The following TMPRSS3 variants were observed in gnomAD, a reference collection of about 807,000 sequenced individuals.
TMPRSS3 encodes the protein transmembrane protease serine 3.
Under a neutral mutation model 59.6 loss-of-function variants are expected in TMPRSS3, and 55 were observed. The observed-to-expected ratio is 0.92, with a 90% CI of 0.74 to 1.16. The LOEUF is 1.16. Among genes scored for constraint, TMPRSS3 ranks in the 50% most tolerant of loss-of-function variants. The probability of loss-of-function intolerance (pLI) is 0.00; values close to 1 mark genes in which losing one functional copy is unlikely to be tolerated. For missense variants in TMPRSS3, 596 were observed against 579.4 expected (o/e 1.03, Z -0.29); for synonymous variants, 257 against 237.7 (o/e 1.08, Z -0.75).
chr21:42,382,803 C>T, intron 8 of TMPRSS3: 1 of 606,362 alleles, frequency 1.6e-6, no homozygotes, highest in South Asian at 1.9e-5. Context: ...CTTCTGTCTG[C>T]CCTTTCTCTA....
intron 9 of TMPRSS3, among the ~76,000 whole-genome samples, chr21:42,380,884 A>C (rs2052516529): frequency 6.6e-6 from 1 of 152,242 alleles, no homozygotes; most frequent in Non-Finnish European, 1.5e-5. Flanking sequence ...AGAAGGAATA[A>C]AAGAACTCAC....
At chr21:42,382,396 C>A (rs923716059) in intron 8 of TMPRSS3, 162 bp from the exon 9 acceptor site, 2 of 685,792 alleles carry the variant, frequency 2.9e-6, no homozygotes, top group African/African-American at 3.5e-5. Context: ...ACTGCACTGC[C>A]ACGCCCTACA....
chr21:42,383,851 C>T, intron 7 of TMPRSS3, 119 bp downstream of exon 7: 2 of 1,098,350 alleles, frequency 1.8e-6, no homozygotes, highest in Non-Finnish European at 2.8e-6. Context: ...AGAGTTCCCG[C>T]CTGGCACCCA....
chr21:42,382,052 G>C lies in TMPRSS3; in HGVS notation c.952+13C>G. 2 of 1,614,206 alleles carry C rather than the reference G, an allele frequency of 1.2e-6. No homozygotes were observed. The highest frequency in any genetic ancestry group is 2.2e-5 in the South Asian group (2 of 91,078). Reference sequence around the variant, plus strand: ...AGGAAGAGCTGCAGAACCACATAGAGACCCAGATGTACCATTGAACGTGAG... The same window carrying C: ...AGGAAGAGCTGCAGAACCACATAGACACCCAGATGTACCATTGAACGTGAG... On this transcript the variant is annotated intron_variant, in intron 9 of 12. Transcript: ENST00000644384.
Position 42,388,372 on chromosome 21 carries a change from G to T in TMPRSS3, c.446+31C>A, listed in dbSNP as rs200741553. 5.6e-6 allele frequency: 9 copies of T among 1,614,026 alleles called. No individual in the cohort carries two copies. Among genetic ancestry groups the T allele is most frequent in the Non-Finnish European group, 6.8e-6 (8 of 1,180,006 alleles). On this transcript the variant is annotated intron_variant, in intron 5 of 12. Transcript: ENST00000644384. This position sits in a 1 kb window ranked among gnomAD's most constrained non-coding sequence, Gnocchi z 5.1. The stretch of plus-strand genomic sequence containing the variant: ...TTTATTGTTATCCTCTCTGTGTTTT[G>T]CCCATGGGTTGGAAATGCTCTTTAA...
At chr21:42,395,046 G>C (rs78520553) in intron 2 of TMPRSS3, among the ~76,000 whole-genome samples, 3 of 152,126 alleles carry the variant, frequency 2.0e-5, no homozygotes, top group Non-Finnish European at 2.9e-5. Context: ...CCTCCTTCAG[G>C]ATTGACAGGA....
intron 7 of TMPRSS3, 25 bp from the exon 8 acceptor site, chr21:42,383,223 G>A (rs776333784): frequency 1.7e-5 from 27 of 1,613,474 alleles, no homozygotes; most frequent in Non-Finnish European, 2.2e-5. Context: ...AAAGGCTTGT[G>A]GGTCCACCCT....
At chr21:42,378,929 A>C (rs1054390266) in intron 10 of TMPRSS3, among the ~76,000 whole-genome samples, 2 of 151,540 alleles carry the variant, frequency 1.3e-5, no homozygotes, top group Non-Finnish European at 1.5e-5. Context: ...CTGTCACCCA[A>C]GCTGGAGTGG....
intron 9 of TMPRSS3, among the ~76,000 whole-genome samples, chr21:42,380,747 G>T (rs989912194): frequency 6.6e-6 from 1 of 152,262 alleles, no homozygotes; most frequent in Admixed American, 6.5e-5. Flanking sequence ...GAGTTTGCCT[G>T]TGTGTAGGGC....
rs1350404845 is a variant in TMPRSS3 at position 42,377,929 on chromosome 21, A to C, written c.1049-1246T>G. Among the ~76,000 whole-genome samples the C allele has an allele frequency of 2.0e-5, 3 of 152,358 alleles. No individual in the cohort carries two copies. The East Asian group carries it at 5.8e-4, about 29-fold the overall frequency. ...CAGCGAGAAGAAAATCGGCAGCGGG[A>C]TGGAGAATCTCCTGGGAGGATGAAG... On this transcript the variant is annotated intron_variant, in intron 10 of 12. Transcript: ENST00000644384.
At chr21:42,393,791 A>G (rs981944328) in intron 2 of TMPRSS3, among the ~76,000 whole-genome samples, 1 of 152,206 alleles carries the variant, frequency 6.6e-6, no homozygotes, top group Non-Finnish European at 1.5e-5. Flanking sequence ...ATGTGAACAA[A>G]TGAGCATGTC....
intron 10 of TMPRSS3, among the ~76,000 whole-genome samples, chr21:42,377,151 T>C (rs2052445088): frequency 6.6e-6 from 1 of 152,228 alleles, no homozygotes; most frequent in Non-Finnish European, 1.5e-5. Context: ...CCCCAGAACC[T>C]GTGACTGTGT....
chr21:42,394,753 C>T (rs1471804480), intron 2 of TMPRSS3, among the ~76,000 whole-genome samples: 1 of 152,200 alleles, frequency 6.6e-6, no homozygotes, highest in Non-Finnish European at 1.5e-5. Flanking sequence ...CCGGCAACCC[C>T]ACAGCTCCCT....
At chr21:42,382,444 C>A in intron 8 of TMPRSS3, 1 of 598,590 alleles carries the variant, frequency 1.7e-6, no homozygotes. Context: ...TCCCAGACCT[C>A]ACTCTCAGCA....
At chr21:42,390,209 T>C in intron 2 of TMPRSS3, 172 bp from the exon 3 acceptor site, 1 of 656,820 alleles carries the variant, frequency 1.5e-6, no homozygotes, top group Non-Finnish European at 2.8e-6. Flanking sequence ...CATTCTCTAG[T>C]TCAGTCCTAC....
rs146159479 is a variant in TMPRSS3 at position 42,389,012 on chromosome 21, C to A, written c.239G>T (p.Arg80Leu). ...CAGCTCGATACACTTAAAGGATGAGCGACATCTGTACTTCCCTGAGCAGTC... is the reference window on the plus strand; with the variant it reads ...CAGCTCGATACACTTAAAGGATGAGAGACATCTGTACTTCCCTGAGCAGTC... ...HFDCSGKYRCRSSFKCIELIA... is the reference protein window; with the variant it reads ...HFDCSGKYRCLSSFKCIELIA... Residue 80 changes from arginine to leucine, a missense_variant, in exon 4 of 13, where the codon CGC becomes CTC. Coordinates refer to ENST00000644384, the MANE Select transcript of TMPRSS3 (RefSeq NM_001256317.3). The A allele has an allele frequency of 1.1e-5, 17 of 1,614,006 alleles. No individual in the cohort carries two copies. Among genetic ancestry groups the A allele is most frequent in the Admixed American group, 1.7e-5 (1 of 60,004 alleles).
At chr21:42,386,765 G>T (rs576956608) in intron 5 of TMPRSS3, among the ~76,000 whole-genome samples, 5 of 147,754 alleles carry the variant, frequency 3.4e-5, no homozygotes, top group African/African-American at 1.3e-4. Flanking sequence ...AATCTAGCTT[G>T]ACCGTCCTTT....
intron 12 of TMPRSS3, among the ~76,000 whole-genome samples, chr21:42,374,566 C>T (rs2052388140): frequency 6.6e-6 from 1 of 152,098 alleles, no homozygotes; most frequent in South Asian, 2.1e-4. Context: ...TGGTGGGTGC[C>T]AGAGGCTGGG....
At chr21:42,374,124 A>G (rs955991931) in intron 12 of TMPRSS3, among the ~76,000 whole-genome samples, 2 of 152,108 alleles carry the variant, frequency 1.3e-5, no homozygotes, top group African/African-American at 4.8e-5. Context: ...AACAGTGAGG[A>G]GGTCTCCCAT....
Sources: gnomAD v4.1 joint callset for allele counts (sites outside exome capture counted in the v4.1 genomes callset) on GRCh38, gnomAD v4.1.1 for gene constraint, Gnocchi (gnomAD v3.1) non-coding constraint, MANE v1.5 for transcripts, NCBI Gene and HGNC (gene_info 2026-07-23, HGNC 2026-07-21) for gene names.